Variants in MAP7D1 observed in about 807,000 individuals in gnomAD.
MAP7D1 encodes the protein MAP7 domain-containing protein 1.
Under a neutral mutation model 97.5 loss-of-function variants are expected in MAP7D1, and 30 were observed. That is an observed-to-expected ratio of 0.31 (90% CI 0.23 to 0.42). The LOEUF is 0.42. Ranked by LOEUF, MAP7D1 falls within the 10% of genes least tolerant of loss-of-function variation. MAP7D1 has a pLI of 1.00. For missense variants in MAP7D1, 1,184 were observed against 1,179.5 expected, an observed-to-expected ratio of 1.00 and a Z score of -0.06; for synonymous variants, 536 against 477.1, an observed-to-expected ratio of 1.12 and a Z score of -1.61.
chr1:36,178,255 T>C (rs1312309296), intron 9 of MAP7D1, 54 bp downstream of exon 9: 1 of 1,487,068 alleles, frequency 6.7e-7, no homozygotes, highest in East Asian at 2.5e-5. Context: ...CAGCTTCTCC[T>C]GTGTGGGGGT....
rs940272620 is a variant in MAP7D1 at position 36,171,578 on chromosome 1, C to A, written c.457C>A (p.Leu153Met). Reference sequence around the variant, plus strand: ...GCGGCGAGAAGAGCGGGCCAAGTACCTGGGTGAGTGAGCAGGAAGCCTCAT... The same window carrying A: ...GCGGCGAGAAGAGCGGGCCAAGTACATGGGTGAGTGAGCAGGAAGCCTCAT... ...KERREERAKY[L>M]AAKKAVWLEK... The change falls in exon 3 of 17, where the codon CTG (leucine) becomes ATG (methionine). Residue 153 changes from leucine to methionine, a missense_variant. Physicochemically the swap from Leu to Met is conservative, Grantham distance 15 (BLOSUM62 2). Transcript: ENST00000474796. 29 of 1,614,118 alleles carry A rather than the reference C, an allele frequency of 1.8e-5. No individual in the cohort carries two copies. The highest frequency in any genetic ancestry group is 2.3e-5 in the Non-Finnish European group (27 of 1,179,996).
chr1:36,176,478 G>A lies in MAP7D1; in HGVS notation c.1130G>A (p.Arg377Gln). 2 of 1,456,152 alleles carry A rather than the reference G, an allele frequency of 1.4e-6. No homozygotes were observed. Among genetic ancestry groups the A allele is most frequent in the Non-Finnish European group, 9.0e-7 (1 of 1,108,418 alleles). 90.2% of individuals were successfully genotyped at this position (1,456,152 alleles called of 1,614,324 possible). Residue 377 changes from arginine to glutamine, a missense_variant, in exon 7 of 17, where the codon CGA becomes CAA. By Grantham distance (43) the Arg-to-Gln change is conservative. Transcript: ENST00000474796. This position sits in a 1 kb window ranked among gnomAD's most constrained non-coding sequence, Gnocchi z 6.1. Reference sequence around the variant, plus strand: ...CCCCTGACGCCGTGCAGCGTCACCCGAAGCGTGCACCGCTGCGCCCCCGCC... The same window carrying A: ...CCCCTGACGCCGTGCAGCGTCACCCAAAGCGTGCACCGCTGCGCCCCCGCC... ...ASPLTPCSVT[R>Q]SVHRCAPAGE...
Position 36,180,656 on chromosome 1 carries a change from C to A in MAP7D1, c.*398C>A, listed in dbSNP as rs1033564925. On this transcript the variant is annotated 3_prime_UTR_variant, in exon 17 of 17. Transcript: ENST00000474796. ...TGGGTGCAGGAGGCAGACCCTCCCC[C>A]CAAAGCCCCCTGGGGAGATCTTCCT... 2.3e-5 allele frequency: 6 copies of A among 264,874 alleles called. No individual in the cohort carries two copies. Among genetic ancestry groups the A allele is most frequent in the South Asian group, 4.6e-5 (1 of 21,886 alleles). The allele number at this position is 264,874 out of a possible 1,614,324, so 16.4% of individuals were successfully genotyped here.
intron 1 of MAP7D1, among the ~76,000 whole-genome samples, chr1:36,168,160 T>G (rs1644495858): frequency 1.3e-5 from 2 of 151,956 alleles, no homozygotes; most frequent in South Asian, 4.1e-4. Flanking sequence ...CTGGGTGTGG[T>G]GGTGCCTGCC....
Position 36,176,601 on chromosome 1 carries a change from C to T in MAP7D1, c.1233+20C>T, listed in dbSNP as rs760922661. On this transcript the variant is annotated intron_variant, in intron 7 of 16. Transcript: ENST00000474796. This position sits in a 1 kb window ranked among gnomAD's most constrained non-coding sequence, Gnocchi z 6.1. The stretch of plus-strand genomic sequence containing the variant: ...TCGCCGGTGAGTGGCTCTACTGGCT[C>T]GAGTGGCCGCGCAGGTGGGGACAGG... The T allele has an allele frequency of 5.2e-6, 8 of 1,539,180 alleles. No homozygotes were observed. Among genetic ancestry groups the T allele is most frequent in the South Asian group, 1.2e-5 (1 of 80,496 alleles).
At chr1:36,178,274 C>T in intron 9 of MAP7D1, 73 bp downstream of exon 9, 1 of 1,479,746 alleles carries the variant, frequency 6.8e-7, no homozygotes, top group Non-Finnish European at 9.0e-7. Flanking sequence ...GTGTGGGCCG[C>T]CAGAGATGCC....
At chr1:36,168,554 A>G (rs1030507934) in intron 1 of MAP7D1, among the ~76,000 whole-genome samples, 2 of 152,144 alleles carry the variant, frequency 1.3e-5, no homozygotes, top group South Asian at 2.1e-4. Context: ...GTGACCAGGC[A>G]GCCGTCTCCT....
chr1:36,167,089 G>A (rs527421500), intron 1 of MAP7D1, among the ~76,000 whole-genome samples: 2 of 152,264 alleles, frequency 1.3e-5, no homozygotes, highest in African/African-American at 2.4e-5. Context: ...CACAAATTTG[G>A]TTGTCGTCAG....
intron 9 of MAP7D1, 36 bp from the exon 10 acceptor site, chr1:36,178,382 TG>T (rs1358846727): frequency 4.4e-6 from 7 of 1,590,704 alleles, no homozygotes; most frequent in Non-Finnish European, 6.0e-6. Flanking sequence ...GGTGTCTGCG[TG>T]GGTGTGCTGA....
intron 1 of MAP7D1, among the ~76,000 whole-genome samples, chr1:36,170,587 T>G (rs1482252118): frequency 6.6e-6 from 1 of 152,202 alleles, no homozygotes. Flanking sequence ...GCATATACTC[T>G]TCTCTGCCAA....
chr1:36,161,632 G>A (rs900482810), intron 1 of MAP7D1, among the ~76,000 whole-genome samples: 11 of 152,206 alleles, frequency 7.2e-5, no homozygotes, highest in Middle Eastern at 3.2e-3. Context: ...TGTTGCTCCT[G>A]TTAATCGGAC....
chr1:36,164,712 G>C (rs1407912792), intron 1 of MAP7D1, among the ~76,000 whole-genome samples: 1 of 152,194 alleles, frequency 6.6e-6, no homozygotes, highest in East Asian at 1.9e-4. Context: ...GTGAGTTCAA[G>C]AAGGGGAAGC....
At position 36,159,219 on chromosome 1, in the gene MAP7D1, G is replaced by A. The variant is rs1213399283; in HGVS notation, c.46+2756G>A. On this transcript the variant is annotated intron_variant, in intron 1 of 16. Transcript: ENST00000474796. The surrounding 1 kb of genome is among the most constrained non-coding windows in gnomAD (Gnocchi z 5.4). ...ATTACAGGCGCCTGCCACCGCGCCC[G>A]GCTAATTTTTGTATTTTTAGTAGAG... 1.3e-5 allele frequency among the ~76,000 whole-genome samples: 2 copies of A among 151,868 alleles called. No homozygotes were observed.
chr1:36,165,457 T>TC (rs1302891580), intron 1 of MAP7D1, among the ~76,000 whole-genome samples: 2 of 151,076 alleles, frequency 1.3e-5, no homozygotes, highest in African/African-American at 4.8e-5. Flanking sequence ...TTCTTTTTTT[T>TC]CTTTTTCTTT....
Position 36,176,554 on chromosome 1 carries a change from G to C in MAP7D1, c.1206G>C (p.Pro402=). ...CCAACGCCGGGGGCAGCCCCGCTCC[G>C]GTGCGCCGCCGGCCGGAGGCCTCGC... ...RKPNAGGSPA[P]VRRRPEASPV... is the part of the protein sequence containing the mutation. The change falls in exon 7 of 17, where the codon CCG becomes CCC. Residue 402 remains proline, a synonymous_variant. Transcript: ENST00000474796. The surrounding 1 kb of genome is among the most constrained non-coding windows in gnomAD (Gnocchi z 6.1). 5 of 1,460,990 alleles carry C rather than the reference G, an allele frequency of 3.4e-6. No individual in the cohort carries two copies. The highest frequency in any genetic ancestry group is 4.5e-6 in the Non-Finnish European group (5 of 1,107,094). The allele number at this position is 1,460,990 out of a possible 1,614,324, so 90.5% of individuals were successfully genotyped here.
chr1:36,178,592 G>A lies in MAP7D1; in HGVS notation c.1882G>A (p.Asp628Asn), dbSNP rs1254942345. Residue 628 changes from aspartate (D) to asparagine (N), a missense_variant, in exon 10 of 17, where the codon GAC becomes AAC. Physicochemically the swap from Asp to Asn is conservative, Grantham distance 23 (BLOSUM62 1). Coordinates refer to ENST00000474796, the MANE Select transcript of MAP7D1 (RefSeq NM_001388490.1). ...EQERRLQAERDKRMREEQLAR... is the reference protein window; with the variant it reads ...EQERRLQAERNKRMREEQLAR... ...GGAGCGGAGGCTGCAGGCAGAAAGG[G>A]ACAAGTGAGTGCGCCTCGGGGACTG... is the stretch of plus-strand genomic sequence containing the variant. 6 of 1,579,958 alleles carry A rather than the reference G, an allele frequency of 3.8e-6. No homozygotes were observed. The highest frequency in any genetic ancestry group is 1.7e-4 in the Middle Eastern group (1 of 5,810).
At chr1:36,162,101 G>C (rs1644420787) in intron 1 of MAP7D1, among the ~76,000 whole-genome samples, 1 of 152,104 alleles carries the variant, frequency 6.6e-6, no homozygotes, top group South Asian at 2.1e-4. Flanking sequence ...CTTGCTAGAG[G>C]TGCTGATCTC....
intron 12 of MAP7D1, 77 bp from the exon 13 acceptor site, chr1:36,179,185 G>A (rs773671191): frequency 1.5e-5 from 24 of 1,566,522 alleles, no homozygotes; most frequent in East Asian, 1.1e-4. Flanking sequence ...CTAAGACTCC[G>A]AGGCCGGGTC....
chr1:36,171,202 G>A lies in MAP7D1; in HGVS notation c.278G>A (p.Ser93Asn). The change falls in exon 2 of 17, where the codon AGC becomes AAC. Residue 93 changes from serine (S) to asparagine (N), a missense_variant. Physicochemically the swap from Ser to Asn is conservative, Grantham distance 46. Coordinates refer to ENST00000474796, the MANE Select transcript of MAP7D1 (RefSeq NM_001388490.1). ...QEESPSSEAK[S>N]RGPTPPAMGP... ...GAGTCCCCTTCCTCTGAAGCAAAGA[G>A]CAGAGGACCCACCCCACCAGCCATG... 1.9e-6 allele frequency: 3 copies of A among 1,613,614 alleles called. No homozygotes were observed. Among genetic ancestry groups the A allele is most frequent in the South Asian group, 2.2e-5 (2 of 91,034 alleles).
Sources: allele counts gnomAD v4.1 joint callset (sites outside exome capture counted in the v4.1 genomes callset), GRCh38; gene constraint gnomAD v4.1.1; non-coding constraint Gnocchi (gnomAD v3.1); transcripts MANE v1.5; gene names NCBI Gene and HGNC (gene_info 2026-07-23, HGNC 2026-07-21).